Variants in ASTN2 observed in about 807,000 individuals in gnomAD.
The protein encoded by ASTN2 is astrotactin 2.
In ASTN2, 54 loss-of-function variants were observed where a neutral mutation model predicts 139.8. The ratio of observed to expected loss-of-function variants is 0.39; its 90% confidence interval spans 0.31 to 0.48. The LOEUF is 0.48. Among genes scored for constraint, ASTN2 ranks in the 20% least tolerant of loss-of-function variants. The probability of loss-of-function intolerance (pLI) is 0.95; values close to 1 mark genes in which losing one functional copy is unlikely to be tolerated. For missense variants in ASTN2, 1,565 were observed against 1,725.1 expected, an observed-to-expected ratio of 0.91 and a Z score of 1.64; for synonymous variants, 756 against 719.5, an observed-to-expected ratio of 1.05 and a Z score of -0.81.
chr9:117,079,856 G>A (rs1828379664), intron 5 of ASTN2, among the ~76,000 whole-genome samples: 1 of 152,262 alleles, frequency 6.6e-6, no homozygotes, highest in Non-Finnish European at 1.5e-5. Flanking sequence ...TCAGATCTAA[G>A]GCTACAATTG....
intron 10 of ASTN2, among the ~76,000 whole-genome samples, chr9:116,878,721 A>C (rs1464995136): frequency 1.3e-5 from 2 of 152,096 alleles, no homozygotes; most frequent in Non-Finnish European, 2.9e-5. Flanking sequence ...TTTTAAAAAA[A>C]GAAATTCTCC....
At position 117,096,068 on chromosome 9, in the gene ASTN2, A is replaced by G. The variant is rs1359758403; in HGVS notation, c.1252T>C (p.Tyr418His). ...CCTTTGCTGCGGCGGCGACTGCGGTACTGCTCCGTGTAGAATGTCAGCTGA... is the reference window on the plus strand; with the variant it reads ...CCTTTGCTGCGGCGGCGACTGCGGTGCTGCTCCGTGTAGAATGTCAGCTGA... ...ETQLTFYTEQ[Y>H]RSRRRSKGLL... is the part of the protein sequence containing the mutation. Residue 418 changes from tyrosine to histidine, a missense_variant, in exon 5 of 23, where the codon TAC (tyrosine) becomes CAC (histidine). By Grantham distance (83) the Tyr-to-His change is moderately conservative. Coordinates refer to ENST00000313400, the MANE Select transcript of ASTN2 (RefSeq NM_001365068.1). The G allele has an allele frequency of 6.2e-7, 1 of 1,614,076 alleles. No homozygotes were observed. The highest frequency in any genetic ancestry group is 8.5e-7 in the Non-Finnish European group (1 of 1,179,968).
At chr9:117,281,583 C>CT (rs1453406323) in intron 2 of ASTN2, among the ~76,000 whole-genome samples, 2 of 152,154 alleles carry the variant, frequency 1.3e-5, no homozygotes, top group Non-Finnish European at 2.9e-5. Context: ...TTTTGTGTTG[C>CT]TGTTAAAATA....
At chr9:117,137,465 A>G (rs1056007031) in intron 4 of ASTN2, among the ~76,000 whole-genome samples, 1 of 152,136 alleles carries the variant, frequency 6.6e-6, no homozygotes, top group Non-Finnish European at 1.5e-5. Flanking sequence ...AGACCATCCT[A>G]TTTGGGATTT....
chr9:116,518,558 T>A (rs1479907835), intron 19 of ASTN2, among the ~76,000 whole-genome samples: 1 of 152,046 alleles, frequency 6.6e-6, no homozygotes, highest in Admixed American at 6.6e-5. Flanking sequence ...AGAACCTCCT[T>A]AAAGCATAAA....
intron 19 of ASTN2, among the ~76,000 whole-genome samples, chr9:116,526,228 C>T (rs750270141): frequency 6.6e-6 from 1 of 152,166 alleles, no homozygotes; most frequent in Non-Finnish European, 1.5e-5. Context: ...TGCATGTGCA[C>T]CACATTATGG....
At position 116,553,155 on chromosome 9, in the gene ASTN2, T is replaced by G. The variant is rs776330901; in HGVS notation, c.3355+65169A>C. ...CTCTTTCTTCTTCTTTTTTTAATGG[T>G]TTGCTGGTTTGAGGAAGATTCTGTG... On this transcript the variant is annotated intron_variant, in intron 19 of 22. Transcript: ENST00000313400. Among the ~76,000 whole-genome samples, 65 of 152,160 alleles carry G rather than the reference T, an allele frequency of 4.3e-4. 1 individual carries two copies. The highest frequency in any genetic ancestry group is 3.4e-3 in the Middle Eastern group (1 of 294).
chr9:116,885,326 C>A (rs1048807627), intron 10 of ASTN2, among the ~76,000 whole-genome samples: 1 of 152,056 alleles, frequency 6.6e-6, no homozygotes, highest in Non-Finnish European at 1.5e-5. Flanking sequence ...ATTAAAGGTA[C>A]CCCATGAATA....
chr9:116,737,989 G>A lies in ASTN2; in HGVS notation c.2397-4466C>T, dbSNP rs1020325613. ...GGGCGGATCACGAGGTCAGGAGATC[G>A]AGACCATCCTGGCTAACACGGTGAA... On this transcript the variant is annotated intron_variant, in intron 13 of 22. Transcript: ENST00000313400. 6.0e-5 allele frequency among the ~76,000 whole-genome samples: 9 copies of A among 150,224 alleles called. No homozygotes were observed. The East Asian group carries it at 1.2e-3, about 20-fold the overall frequency.
At chr9:116,930,152 G>A (rs758214558) in intron 10 of ASTN2, among the ~76,000 whole-genome samples, 1 of 152,208 alleles carries the variant, frequency 6.6e-6, no homozygotes, top group Non-Finnish European at 1.5e-5. Flanking sequence ...GGACAGCCAG[G>A]TGAGGAGAGC....
chr9:116,990,077 G>C (rs1201980103), intron 7 of ASTN2, among the ~76,000 whole-genome samples: 1 of 152,114 alleles, frequency 6.6e-6, no homozygotes, highest in East Asian at 1.9e-4. Context: ...TAGAGTCAGA[G>C]AGGTCCAAGT....
intron 10 of ASTN2, among the ~76,000 whole-genome samples, chr9:116,932,906 TGAGGCAG>T: frequency 6.7e-6 from 1 of 148,434 alleles, no homozygotes; most frequent in Admixed American, 6.9e-5. Context: ...CTCCAGAGGC[TGAGGCAG>T]GAGAATCACT....
chr9:116,578,471 T>A (rs1248679109), intron 19 of ASTN2, among the ~76,000 whole-genome samples: 5 of 152,056 alleles, frequency 3.3e-5, no homozygotes, highest in Non-Finnish European at 7.4e-5. Flanking sequence ...TTAATTCTTA[T>A]AATAATCACT....
chr9:116,561,349 T>C (rs988180736), intron 19 of ASTN2, among the ~76,000 whole-genome samples: 2 of 152,210 alleles, frequency 1.3e-5, no homozygotes, highest in Admixed American at 6.5e-5. Flanking sequence ...TCAATAAATC[T>C]TCATTAATTT....
intron 12 of ASTN2, among the ~76,000 whole-genome samples, chr9:116,812,289 A>G (rs1028382841): frequency 6.6e-6 from 1 of 152,196 alleles, no homozygotes; most frequent in Non-Finnish European, 1.5e-5. Context: ...GGGATTAAGT[A>G]AAGAATTTTG....
chr9:116,964,596 C>T (rs963199267), intron 10 of ASTN2, among the ~76,000 whole-genome samples: 2 of 152,086 alleles, frequency 1.3e-5, no homozygotes, highest in African/African-American at 2.4e-5. Flanking sequence ...AAAAAATATG[C>T]GTCAGAAGAT....
chr9:116,947,715 T>C (rs1295051277), intron 10 of ASTN2, among the ~76,000 whole-genome samples: 1 of 152,188 alleles, frequency 6.6e-6, no homozygotes, highest in Non-Finnish European at 1.5e-5. Context: ...GCCAACCAGA[T>C]GCCCCATTAA....
At chr9:116,632,248 A>AGAAG (rs1374878266) in intron 17 of ASTN2, among the ~76,000 whole-genome samples, 18 of 91,122 alleles carry the variant, frequency 2.0e-4, no homozygotes, top group Non-Finnish European at 2.7e-4. Context: ...AAAGAAAGAA[A>AGAAG]GAAGGAAAGA....
At chr9:116,656,826 G>A (rs999939719) in intron 16 of ASTN2, among the ~76,000 whole-genome samples, 1 of 152,122 alleles carries the variant, frequency 6.6e-6, no homozygotes, top group African/African-American at 2.4e-5. Context: ...GCTTCTGGGA[G>A]AGCCAAAGCT....
Sources: allele counts gnomAD v4.1 joint callset (sites outside exome capture counted in the v4.1 genomes callset), GRCh38; gene constraint gnomAD v4.1.1; transcripts MANE v1.5; gene names NCBI Gene and HGNC (gene_info 2026-07-23, HGNC 2026-07-21).